The following KIAA0040 variants were observed in gnomAD, a reference collection of about 807,000 sequenced individuals.
KIAA0040 encodes the protein uncharacterized protein KIAA0040.
KIAA0040 carries 10 observed loss-of-function variants against 7.2 expected under a neutral mutation model. That is an observed-to-expected ratio of 1.38 (90% confidence interval 0.85 to 2.34). The LOEUF (loss-of-function observed/expected upper bound fraction) is 2.34, where lower values mean the gene tolerates loss of function less well. Ranked by LOEUF, KIAA0040 falls within the 30% of genes most tolerant of loss-of-function variation. The pLI is 0.00. For missense variants in KIAA0040, 89 were observed against 108.2 expected (o/e 0.82, Z 0.79); for synonymous variants, 49 against 40.1 (o/e 1.22, Z -0.84).
chr1:175,166,482 G>C (rs572711216), intron 3 of KIAA0040, 80 bp downstream of exon 3: 1 of 152,172 alleles, frequency 6.6e-6, no homozygotes, highest in Non-Finnish European at 1.5e-5. Context: ...CTGAGCAGCC[G>C]ACCTTCATTT....
At chr1:175,189,293 G>A (rs1677780190) in intron 1 of KIAA0040, among the ~76,000 whole-genome samples, 1 of 152,216 alleles carries the variant, frequency 6.6e-6, no homozygotes, top group South Asian at 2.1e-4. Context: ...CTAATGCTCA[G>A]ATTCAGGGCC....
intron 1 of KIAA0040, among the ~76,000 whole-genome samples, chr1:175,184,088 A>G (rs1677555589): frequency 6.6e-6 from 1 of 152,164 alleles, no homozygotes; most frequent in African/African-American, 2.4e-5. Flanking sequence ...ACCGAAAGTA[A>G]GTGATACACC....
intron 1 of KIAA0040, among the ~76,000 whole-genome samples, chr1:175,180,609 C>G (rs1003924888): frequency 2.0e-5 from 3 of 152,170 alleles, no homozygotes; most frequent in African/African-American, 7.2e-5. Context: ...TTCTTGGGTG[C>G]TCCTGAGTAG....
intron 2 of KIAA0040, among the ~76,000 whole-genome samples, chr1:175,176,669 CTTTTTTTTTTTTTTTT>C (rs34859478): frequency 5.5e-4 from 15 of 27,440 alleles, no homozygotes; most frequent in African/African-American, 6.8e-4. Context: ...AAGTAGCATG[CTTTTTTTTTTTTTTTT>C]TTTTTTTTTT....
intron 3 of KIAA0040, among the ~76,000 whole-genome samples, chr1:175,161,955 G>A (rs770365973): frequency 4.6e-5 from 7 of 152,180 alleles, no homozygotes; most frequent in Non-Finnish European, 1.0e-4. Flanking sequence ...TGGGAGAGGA[G>A]TCCTTGCAGG....
chr1:175,183,011 G>A (rs1478597089), intron 1 of KIAA0040, among the ~76,000 whole-genome samples: 1 of 152,228 alleles, frequency 6.6e-6, no homozygotes, highest in African/African-American at 2.4e-5. Flanking sequence ...TTCAGAGCAA[G>A]TGAGGAATGC....
chr1:175,179,125 G>GTACAGAGT (rs1376429687), intron 1 of KIAA0040, among the ~76,000 whole-genome samples: 1 of 152,110 alleles, frequency 6.6e-6, no homozygotes, highest in Admixed American at 6.6e-5. Context: ...AGGCCAACAG[G>GTACAGAGT]TACAGAGTTC....
At chr1:175,167,932 A>G (rs1264364854) in intron 2 of KIAA0040, among the ~76,000 whole-genome samples, 2 of 151,544 alleles carry the variant, frequency 1.3e-5, no homozygotes, top group Non-Finnish European at 2.9e-5. Flanking sequence ...ATCAGTCTCT[A>G]CCTGACTCCT....
chr1:175,174,273 C>T (rs1163797207), intron 2 of KIAA0040, among the ~76,000 whole-genome samples: 1 of 152,202 alleles, frequency 6.6e-6, no homozygotes, highest in Non-Finnish European at 1.5e-5. Flanking sequence ...TGGACTGATC[C>T]TGATCTGTGG....
intron 1 of KIAA0040, among the ~76,000 whole-genome samples, chr1:175,181,311 C>G (rs1307917632): frequency 6.6e-6 from 1 of 152,160 alleles, no homozygotes; most frequent in Admixed American, 6.5e-5. Flanking sequence ...GAGGGAGGAA[C>G]TTCCTTTGCT....
intron 1 of KIAA0040, among the ~76,000 whole-genome samples, chr1:175,178,281 G>A (rs1677285247): frequency 6.6e-6 from 1 of 152,202 alleles, no homozygotes; most frequent in African/African-American, 2.4e-5. Context: ...CCAGGAGGCA[G>A]GGGGGCAGCA....
chr1:175,186,221 G>A (rs1328758778), intron 1 of KIAA0040, among the ~76,000 whole-genome samples: 2 of 152,034 alleles, frequency 1.3e-5, no homozygotes, highest in Non-Finnish European at 1.5e-5. Context: ...AAATGCAAGA[G>A]GAAATAACAA....
chr1:175,174,234 T>A (rs1414794337), intron 2 of KIAA0040, among the ~76,000 whole-genome samples: 1 of 152,208 alleles, frequency 6.6e-6, no homozygotes, highest in Non-Finnish European at 1.5e-5. Flanking sequence ...AAGGCAAGCC[T>A]CACATAGCAG....
chr1:175,163,704 C>T (rs76003903), intron 3 of KIAA0040, among the ~76,000 whole-genome samples: 1,682 of 152,328 alleles, frequency 0.011, 29 homozygotes, highest in African/African-American at 0.039. Flanking sequence ...TGTGGAAAGG[C>T]TTTGGGTGCT....
intron 1 of KIAA0040, among the ~76,000 whole-genome samples, chr1:175,191,668 G>T (rs1343560679): frequency 1.3e-5 from 2 of 152,248 alleles, no homozygotes; most frequent in African/African-American, 4.8e-5. Flanking sequence ...CCTGCTCTTT[G>T]TAACTCAAGG....
intron 2 of KIAA0040, among the ~76,000 whole-genome samples, chr1:175,175,950 A>G (rs529481518): frequency 6.6e-6 from 1 of 152,386 alleles, no homozygotes; most frequent in Admixed American, 6.5e-5. Context: ...GGTGCAGCAC[A>G]TCAACATGGC....
intron 3 of KIAA0040, among the ~76,000 whole-genome samples, chr1:175,162,345 T>C (rs767666443): frequency 2.6e-5 from 4 of 151,570 alleles, no homozygotes; most frequent in Non-Finnish European, 4.4e-5. Context: ...GAATCTGGGG[T>C]CCAGAGCAGT....
In KIAA0040 at chr1:175,160,811, TTCTTCTTG is replaced by T. The variant is rs762930078; in HGVS notation, c.195_202del (p.Asn65LysfsTer10). The T allele has an allele frequency of 0.42, 638,855 of 1,535,744 alleles. 129,775 individuals are homozygous for T. Among genetic ancestry groups the T allele is most frequent in the Non-Finnish European group, 0.45 (508,241 of 1,133,668 alleles). On this transcript the variant is annotated frameshift_variant, in exon 4 of 4. Transcript: ENST00000423313. LOFTEE classifies it high-confidence loss of function. ...ATCCTTCTTCTTCTTCTTCTTCTTC[TTCTTCTTG>T]TTCTTCTCTGGCTGCTGGCCCCTCT...
Position 175,159,005 on chromosome 1 carries a change from TATAA to T in KIAA0040, c.*1705_*1708del, listed in dbSNP as rs1309258519. 1 of 152,246 alleles carries T rather than the reference TATAA, an allele frequency of 6.6e-6. No individual in the cohort carries two copies. The highest frequency in any genetic ancestry group is 6.5e-5 in the Admixed American group (1 of 15,286). The allele number at this position is 152,246 out of a possible 1,614,324, so 9.4% of individuals were successfully genotyped here. A position where few individuals can be genotyped will look rare whatever the true frequency, so the allele number is the denominator to read the frequency against. ...CTTATAGAATTTAGTTTTTTGCTAC[TATAA>T]ATATCATAGTTTAGCTACATTATTA... On this transcript the variant is annotated 3_prime_UTR_variant, in exon 4 of 4. Transcript: ENST00000423313.
Sources: allele counts gnomAD v4.1 joint callset (sites outside exome capture counted in the v4.1 genomes callset), GRCh38; gene constraint gnomAD v4.1.1; transcripts MANE v1.5; gene names NCBI Gene and HGNC (gene_info 2026-07-23, HGNC 2026-07-21).